STK40: variants seen among roughly 807,000 people sequenced by gnomAD.
STK40 encodes serine/threonine kinase 40.
STK40 carries 13 observed loss-of-function variants against 47.9 expected under a neutral mutation model. That is an observed-to-expected ratio of 0.27 (90% CI 0.18 to 0.43). The LOEUF (loss-of-function observed/expected upper bound fraction) is 0.43. Among genes scored for constraint, STK40 ranks in the 20% least tolerant of loss-of-function variants. The pLI is 1.00. For missense variants in STK40, 460 were observed against 595.1 expected (o/e 0.77, Z 2.36); for synonymous variants, 225 against 243.2 (o/e 0.93, Z 0.69).
At chr1:36,346,904 C>G in intron 7 of STK40, among the ~76,000 whole-genome samples, 1 of 152,224 alleles carries the variant, frequency 6.6e-6, no homozygotes, top group South Asian at 2.1e-4. Flanking sequence ...AGGAGCCTGG[C>G]TCTATCTCCT....
chr1:36,376,872 GT>G (rs1398312324), intron 1 of STK40, among the ~76,000 whole-genome samples: 1 of 151,606 alleles, frequency 6.6e-6, no homozygotes, highest in African/African-American at 2.4e-5. Context: ...CACCTCCCCG[GT>G]TCAAGCAATA....
At chr1:36,369,854 C>G (rs1389395417) in intron 1 of STK40, among the ~76,000 whole-genome samples, 1 of 152,262 alleles carries the variant, frequency 6.6e-6, no homozygotes, top group Non-Finnish European at 1.5e-5. Context: ...GGGCTGTTTG[C>G]TGGGCATCTA....
chr1:36,363,235 G>A (rs926989341), intron 1 of STK40, among the ~76,000 whole-genome samples: 4 of 152,092 alleles, frequency 2.6e-5, no homozygotes, highest in South Asian at 2.1e-4. Context: ...CTGGGGAGGC[G>A]GAGGTTGCAT....
chr1:36,378,772 C>G (rs1647014628), intron 1 of STK40, among the ~76,000 whole-genome samples: 1 of 152,056 alleles, frequency 6.6e-6, no homozygotes, highest in African/African-American at 2.4e-5. Context: ...CCTTTTTTTG[C>G]TGGTTTCCTT....
chr1:36,351,499 A>G (rs560528539), intron 6 of STK40, among the ~76,000 whole-genome samples: 1 of 152,218 alleles, frequency 6.6e-6, no homozygotes, highest in Admixed American at 6.5e-5. Context: ...GTCTCTCTGC[A>G]CCACACTACC....
chr1:36,346,999 C>T (rs1009581428), intron 7 of STK40, among the ~76,000 whole-genome samples: 1 of 152,206 alleles, frequency 6.6e-6, no homozygotes, highest in South Asian at 2.1e-4. Flanking sequence ...GGGTATACCC[C>T]TGGCACCCAG....
intron 7 of STK40, among the ~76,000 whole-genome samples, chr1:36,347,456 A>G (rs1043742954): frequency 6.6e-6 from 1 of 152,210 alleles, no homozygotes; most frequent in South Asian, 2.1e-4. Context: ...CCAGTTTACT[A>G]TTTATTAGCT....
intron 1 of STK40, among the ~76,000 whole-genome samples, chr1:36,374,790 C>T (rs1302553860): frequency 6.6e-6 from 1 of 152,218 alleles, no homozygotes; most frequent in Non-Finnish European, 1.5e-5. Flanking sequence ...GACTGAGTCA[C>T]TGGCAGGTCT....
intron 2 of STK40, among the ~76,000 whole-genome samples, chr1:36,360,158 G>A (rs1646839437): frequency 6.7e-6 from 1 of 150,104 alleles, no homozygotes; most frequent in South Asian, 2.1e-4. Context: ...CTGGCAAACA[G>A]CACAGGCCTG....
intron 2 of STK40, among the ~76,000 whole-genome samples, chr1:36,359,483 C>T (rs539888621): frequency 5.9e-5 from 9 of 152,302 alleles, no homozygotes; most frequent in Admixed American, 1.3e-4. Context: ...AAACTAGAGC[C>T]GCAACAGGTT....
chr1:36,355,445 G>A lies in STK40; in HGVS notation c.343-12C>T, dbSNP rs746535233. ...TCACAGGTGCGGTCCTGGGAGGCAA[G>A]GGGGTAGCGCAGGGCTTGGCTGTGA... On this transcript the variant is annotated splice_polypyrimidine_tract_variant and intron_variant, in intron 4 of 10. Coordinates refer to ENST00000373132, the MANE Select transcript of STK40 (RefSeq NM_001282547.2). 2 of 1,614,008 alleles carry A rather than the reference G, an allele frequency of 1.2e-6. No individual in the cohort carries two copies. The highest frequency in any genetic ancestry group is 1.7e-6 in the Non-Finnish European group (2 of 1,179,888).
Position 36,340,384 on chromosome 1 carries a change from G to T in STK40, c.*1371C>A. The stretch of plus-strand genomic sequence containing the variant: ...TCAGCTTTTTAGGGGGAGGAGAGCG[G>T]CTCACACTCTGGGAAACACAGTCAC... On this transcript the variant is annotated 3_prime_UTR_variant, in exon 11 of 11. Transcript: ENST00000373132. The T allele has an allele frequency of 6.5e-6, 1 of 152,782 alleles. No individual in the cohort carries two copies. 9.5% of individuals were successfully genotyped at this position (152,782 alleles called of 1,614,324 possible). A position where few individuals can be genotyped will look rare whatever the true frequency, so the allele number is the denominator to read the frequency against.
At chr1:36,371,595 C>G (rs1460695789) in intron 1 of STK40, among the ~76,000 whole-genome samples, 5 of 141,404 alleles carry the variant, frequency 3.5e-5, no homozygotes, top group South Asian at 4.8e-4. Context: ...AACAGTCTGG[C>G]TGGGTGCCAT....
At chr1:36,352,371 A>T (rs1646766302) in intron 6 of STK40, among the ~76,000 whole-genome samples, 1 of 152,190 alleles carries the variant, frequency 6.6e-6, no homozygotes, top group Non-Finnish European at 1.5e-5. Flanking sequence ...TCTCAGGCCA[A>T]TCTTCCCAGG....
chr1:36,344,046 C>T, intron 8 of STK40, 67 bp from the exon 9 acceptor site: 2 of 1,587,906 alleles, frequency 1.3e-6, no homozygotes, highest in East Asian at 2.3e-5. Context: ...GATGCCCAGG[C>T]TCACTGTGCC....
At chr1:36,380,396 C>G (rs1647029433) in intron 1 of STK40, among the ~76,000 whole-genome samples, 1 of 152,212 alleles carries the variant, frequency 6.6e-6, no homozygotes, top group South Asian at 2.1e-4. Context: ...TCCCTTAGAA[C>G]TTCAAGGGTC....
At chr1:36,346,398 A>G (rs1646702968) in intron 7 of STK40, among the ~76,000 whole-genome samples, 1 of 152,206 alleles carries the variant, frequency 6.6e-6, no homozygotes, top group Non-Finnish European at 1.5e-5. Context: ...CCAAATTCAC[A>G]TGGTTATTAG....
chr1:36,354,292 A>C, intron 6 of STK40, 72 bp downstream of exon 6: 3 of 1,507,156 alleles, frequency 2.0e-6, no homozygotes, highest in Non-Finnish European at 2.8e-6. Flanking sequence ...ACTTCAGGGC[A>C]CTGGAGAGTT....
At chr1:36,343,211 C>A in intron 10 of STK40, 153 bp downstream of exon 10, 1 of 867,194 alleles carries the variant, frequency 1.2e-6, no homozygotes, top group Non-Finnish European at 1.9e-6. Context: ...AGGCTGAGGA[C>A]TGAAGTCTCC....
Sources: allele counts gnomAD v4.1 joint callset (sites outside exome capture counted in the v4.1 genomes callset), GRCh38; gene constraint gnomAD v4.1.1; transcripts MANE v1.5; gene names NCBI Gene and HGNC (gene_info 2026-07-23, HGNC 2026-07-21).